The following SLC44A5 variants were observed in gnomAD, a reference collection of about 807,000 sequenced individuals.
SLC44A5 encodes solute carrier family 44 member 5.
Under a neutral mutation model 101.8 loss-of-function variants are expected in SLC44A5, and 57 were observed. That is an observed-to-expected ratio of 0.56 (90% CI 0.45 to 0.70). The LOEUF (loss-of-function observed/expected upper bound fraction) is 0.70, where lower values mean the gene tolerates loss of function less well. Among genes scored for constraint, SLC44A5 ranks in the 30% least tolerant of loss-of-function variants. SLC44A5 has a pLI of 0.00. For missense variants in SLC44A5, 737 were observed against 853.1 expected (o/e 0.86, Z 1.70); for synonymous variants, 281 against 290.9 (o/e 0.97, Z 0.35).
chr1:75,639,620 C>A, the SLC44A5 span, among the ~76,000 whole-genome samples: 1 of 152,268 alleles, frequency 6.6e-6, no homozygotes, highest in East Asian at 1.9e-4. Context: ...TTCCCCAGTG[C>A]ATGCCATTAT....
intron 2 of SLC44A5, among the ~76,000 whole-genome samples, chr1:75,512,519 A>T (rs916271484): frequency 1.3e-5 from 2 of 152,202 alleles, no homozygotes; most frequent in African/African-American, 4.8e-5. Context: ...ACTTTTATCC[A>T]ACAATCATTC....
At chr1:75,447,406 T>C (rs908000707) in intron 2 of SLC44A5, among the ~76,000 whole-genome samples, 1 of 152,200 alleles carries the variant, frequency 6.6e-6, no homozygotes, top group African/African-American at 2.4e-5. Context: ...TTCTAGCTTC[T>C]AATACTTTGT....
At chr1:75,537,358 T>C (rs910818720) in intron 2 of SLC44A5, among the ~76,000 whole-genome samples, 3 of 152,228 alleles carry the variant, frequency 2.0e-5, no homozygotes, top group Admixed American at 2.0e-4. Context: ...GTGTTATGGC[T>C]TCTTTTCTAC....
chr1:75,256,006 G>T (rs1649989907), intron 6 of SLC44A5, among the ~76,000 whole-genome samples: 1 of 151,962 alleles, frequency 6.6e-6, no homozygotes, highest in Non-Finnish European at 1.5e-5. Flanking sequence ...TTTTTAGGAA[G>T]GTAATTGAGA....
chr1:75,605,202 C>G (rs1220080413), intron 1 of SLC44A5, among the ~76,000 whole-genome samples: 6 of 151,484 alleles, frequency 4.0e-5, no homozygotes, highest in Non-Finnish European at 8.8e-5. Context: ...TTTTTAAAAA[C>G]TATGAATTTA....
Position 75,254,043 on chromosome 1 carries a change from C to CT in SLC44A5, c.261-2750dup, listed in dbSNP as rs562073781. ...ATTCTCAAATTTCAGGGGACCACAA[C>CT]TTTTTTTTTTTTTAGACGGTTTCTC... On this transcript the variant is annotated intron_variant, in intron 6 of 23. Transcript: ENST00000370859. Among the ~76,000 whole-genome samples, 222 of 146,620 alleles carry CT rather than the reference C, an allele frequency of 1.5e-3. 1 individual carries two copies. In the East Asian group the frequency reaches 0.021, roughly 14 times the overall value.
At chr1:75,449,178 T>C (rs550928265) in intron 2 of SLC44A5, among the ~76,000 whole-genome samples, 1 of 152,344 alleles carries the variant, frequency 6.6e-6, no homozygotes, top group South Asian at 2.1e-4. Flanking sequence ...TCAGTGTTGG[T>C]AATGATACAT....
At chr1:75,578,018 A>T (rs1487964147) in intron 1 of SLC44A5, among the ~76,000 whole-genome samples, 2 of 152,134 alleles carry the variant, frequency 1.3e-5, no homozygotes, top group African/African-American at 4.8e-5. Flanking sequence ...TATGAAATTA[A>T]TCTAACATTA....
intron 5 of SLC44A5, among the ~76,000 whole-genome samples, chr1:75,276,353 C>T (rs601788): frequency 0.34 from 51,023 of 152,000 alleles, 8,781 homozygotes; most frequent in Middle Eastern, 0.37. Context: ...TGCTTCTATA[C>T]CTTAGTTTGT....
intron 2 of SLC44A5, among the ~76,000 whole-genome samples, chr1:75,490,883 GACTT>G (rs921144567): frequency 1.3e-5 from 2 of 151,738 alleles, no homozygotes; most frequent in African/African-American, 4.8e-5. Context: ...TAGTAGGTAC[GACTT>G]ACTTATTCTG....
At chr1:75,365,054 T>C (rs1214154288) in intron 3 of SLC44A5, among the ~76,000 whole-genome samples, 1 of 152,200 alleles carries the variant, frequency 6.6e-6, no homozygotes, top group Non-Finnish European at 1.5e-5. Flanking sequence ...TGCCATTTTG[T>C]TCATTGTTTT....
chr1:75,371,511 A>G (rs1660220623), intron 3 of SLC44A5, among the ~76,000 whole-genome samples: 1 of 152,184 alleles, frequency 6.6e-6, no homozygotes, highest in East Asian at 1.9e-4. Context: ...TACAGAGCAT[A>G]ATATTCAGCC....
chr1:75,512,559 T>A (rs1427946409), intron 2 of SLC44A5, among the ~76,000 whole-genome samples: 4 of 152,174 alleles, frequency 2.6e-5, no homozygotes. Context: ...ACACAGTGTA[T>A]TGATGTTAAA....
Position 75,275,009 on chromosome 1 carries a change from T to G in SLC44A5, c.209A>C (p.Tyr70Ser). 6.2e-7 allele frequency: 1 copy of G among 1,612,896 alleles called. No individual in the cohort carries two copies. The highest frequency in any genetic ancestry group is 8.5e-7 in the Non-Finnish European group (1 of 1,179,438). Reference protein sequence around the residue: ...WVHGDPRRAAYPTDSQGHFCG... With the variant: ...WVHGDPRRAASPTDSQGHFCG... ...AAAGTGGCCCTGGCTGTCTGTAGGA[T>G]AGGCTGCTCTTCTGGGGTCCCCATG... The change falls in exon 6 of 24, where the codon TAT becomes TCT. Residue 70 changes from tyrosine (Y) to serine (S), a missense_variant. Transcript: ENST00000370859.
chr1:75,389,048 C>T (rs1382565094), intron 3 of SLC44A5, among the ~76,000 whole-genome samples: 1 of 151,734 alleles, frequency 6.6e-6, no homozygotes, highest in Non-Finnish European at 1.5e-5. Flanking sequence ...TGAGATAAAA[C>T]AGGATTTAAA....
At chr1:75,692,289 G>C in the SLC44A5 span, among the ~76,000 whole-genome samples, 1 of 148,198 alleles carries the variant, frequency 6.7e-6, no homozygotes, top group African/African-American at 2.5e-5. Context: ...CACCTCCTGG[G>C]CTCAAGTGAT....
At chr1:75,697,053 C>T in the SLC44A5 span, among the ~76,000 whole-genome samples, 2 of 152,126 alleles carry the variant, frequency 1.3e-5, no homozygotes, top group Non-Finnish European at 1.5e-5. Context: ...TTTGTCAAAG[C>T]TCATCAAAAT....
chr1:75,503,269 T>C (rs1312881650), intron 2 of SLC44A5, among the ~76,000 whole-genome samples: 2 of 152,288 alleles, frequency 1.3e-5, no homozygotes, highest in South Asian at 2.1e-4. Flanking sequence ...AATCACATTC[T>C]CTTCAAAAAA....
chr1:75,624,116 C>T, the SLC44A5 span, among the ~76,000 whole-genome samples: 1 of 152,170 alleles, frequency 6.6e-6, no homozygotes, highest in East Asian at 1.9e-4. Flanking sequence ...ACAAAGGAGC[C>T]AGCTTGAAGT....
Sources: gnomAD v4.1 joint callset for allele counts (sites outside exome capture counted in the v4.1 genomes callset) on GRCh38, gnomAD v4.1.1 for gene constraint, MANE v1.5 for transcripts, NCBI Gene and HGNC (gene_info 2026-07-23, HGNC 2026-07-21) for gene names.